Variants in ERO1B observed in about 807,000 individuals in gnomAD.
ERO1B encodes endoplasmic reticulum oxidoreductase 1 beta.
ERO1B carries 49 observed loss-of-function variants against 75.3 expected under a neutral mutation model. The observed-to-expected ratio is 0.65, with a 90% CI of 0.52 to 0.83. The LOEUF (loss-of-function observed/expected upper bound fraction) is 0.83, where lower values mean the gene tolerates loss of function less well. Among genes scored for constraint, ERO1B ranks in the 40% least tolerant of loss-of-function variants. The pLI is 0.00. For missense variants in ERO1B, 512 were observed against 560.1 expected (o/e 0.91, Z 0.87); for synonymous variants, 191 against 192.9 (o/e 0.99, Z 0.08).
chr1:236,250,146 C>T (rs2695063), intron 4 of ERO1B, among the ~76,000 whole-genome samples, 179 bp from the exon 5 acceptor site: 36,744 of 151,890 alleles, frequency 0.24, 4,677 homozygotes, highest in East Asian at 0.38. Context: ...TTTCCACCAA[C>T]TAAATATTAT....
intron 4 of ERO1B, among the ~76,000 whole-genome samples, chr1:236,250,562 T>C (rs1354551844): frequency 7.8e-6 from 1 of 128,048 alleles, no homozygotes; most frequent in Non-Finnish European, 1.6e-5. Context: ...TCTTGGGAAG[T>C]AAATTTGACC....
chr1:236,255,087 A>T (rs1209393140), intron 2 of ERO1B, among the ~76,000 whole-genome samples: 1 of 138,786 alleles, frequency 7.2e-6, no homozygotes, highest in Non-Finnish European at 1.6e-5. Context: ...CACCTGGCTA[A>T]TTTTTTTTTT....
At chr1:236,242,903 A>G (rs1664747174) in intron 6 of ERO1B, among the ~76,000 whole-genome samples, 1 of 152,168 alleles carries the variant, frequency 6.6e-6, no homozygotes, top group Non-Finnish European at 1.5e-5. Context: ...GACTCTTGGA[A>G]AAAGGGCTGT....
intron 1 of ERO1B, among the ~76,000 whole-genome samples, chr1:236,279,503 T>TAAAAAAAAAAAA (rs1665776393): frequency 9.3e-4 from 2 of 2,154 alleles, no homozygotes. Context: ...AGACTCCATC[T>TAAAAAAAAAAAA]CAAAAAAAAA....
At chr1:236,276,314 AT>A (rs1160482881) in intron 1 of ERO1B, among the ~76,000 whole-genome samples, 1 of 152,228 alleles carries the variant, frequency 6.6e-6, no homozygotes, top group Non-Finnish European at 1.5e-5. Context: ...TCCACTGTAC[AT>A]TTGGTATTTA....
chr1:236,236,190 G>A, intron 7 of ERO1B, 88 bp downstream of exon 7: 2 of 1,542,284 alleles, frequency 1.3e-6, no homozygotes, highest in South Asian at 1.2e-5. Flanking sequence ...GCCTCCCAAA[G>A]TGCTGGGATT....
intron 15 of ERO1B, among the ~76,000 whole-genome samples, chr1:236,219,778 T>TG (rs1286681566): frequency 6.6e-6 from 1 of 152,124 alleles, no homozygotes; most frequent in African/African-American, 2.4e-5. Context: ...CCCAGCACTT[T>TG]GGGAGGCCAA....
rs1425444656 is a variant in ERO1B at position 236,217,504 on chromosome 1, ACT to A, written c.*1010_*1011del. 2.0e-5 allele frequency: 3 copies of A among 152,540 alleles called. No individual in the cohort carries two copies. 9.4% of individuals were successfully genotyped at this position (152,540 alleles called of 1,614,324 possible). A position where few individuals can be genotyped will look rare whatever the true frequency, so the allele number is the denominator to read the frequency against. On this transcript the variant is annotated 3_prime_UTR_variant, in exon 16 of 16. Transcript: ENST00000354619. ...TATATATCCTGTCAGGGAAAAGCAC[ACT>A]GAGTTCGAGGATTGCATAGATTGTA...
chr1:236,253,341 A>T (rs1665084104), intron 3 of ERO1B, 81 bp downstream of exon 3: 1 of 800,296 alleles, frequency 1.2e-6, no homozygotes, highest in Non-Finnish European at 2.1e-6. Context: ...CATTGACATT[A>T]GCCTGAAATA....
In ERO1B at chr1:236,253,431, G is replaced by T; in HGVS notation, c.297C>A (p.Pro99=). 1.2e-6 allele frequency: 2 copies of T among 1,605,024 alleles called. No individual in the cohort carries two copies. Among genetic ancestry groups the T allele is most frequent in the Non-Finnish European group, 8.5e-7 (1 of 1,173,176 alleles). Residue 99 remains proline (P), a synonymous_variant, in exon 3 of 16, where the codon CCC becomes CCA. Coordinates refer to ENST00000354619, the MANE Select transcript of ERO1B (RefSeq NM_019891.4). ...HCSIKDCHVE[P]CPESKIPVGI... is the part of the protein sequence containing the mutation. ...ATTTTATTTATTATACCTCTGGACA[G>T]GGCTCCACATGACAGTCTTTTATTG...
At position 236,230,232 on chromosome 1, in the gene ERO1B, C is replaced by A. The variant is rs1664370994; in HGVS notation, c.704G>T (p.Trp235Leu). ...TAGAACAGACTGTTTACCTTCTAGC[C>A]ATGTGTAGAATGATTCTCCTGAGAG... ...GEDDGESFYTWLEGLCLEKRV... is the reference protein window; with the variant it reads ...GEDDGESFYTLLEGLCLEKRV... The change falls in exon 10 of 16, where the codon TGG becomes TTG. Residue 235 changes from tryptophan to leucine, a missense_variant. Transcript: ENST00000354619. The A allele has an allele frequency of 1.9e-6, 3 of 1,592,630 alleles. No individual in the cohort carries two copies. The East Asian group carries it at 6.8e-5, about 36-fold the overall frequency.
At chr1:236,225,199 GAAAC>G in intron 12 of ERO1B, 60 bp from the exon 13 acceptor site, 1 of 1,487,120 alleles carries the variant, frequency 6.7e-7, no homozygotes, top group Non-Finnish European at 9.3e-7. Context: ...CTCTGTATCA[GAAAC>G]CTGATAAAAT....
At chr1:236,232,666 T>C (rs559866986) in intron 9 of ERO1B, among the ~76,000 whole-genome samples, 162 bp downstream of exon 9, 11 of 128,296 alleles carry the variant, frequency 8.6e-5, no homozygotes, top group Non-Finnish European at 1.8e-4. Context: ...TAACTTGATA[T>C]ATATAAAATA....
intron 1 of ERO1B, among the ~76,000 whole-genome samples, chr1:236,274,694 C>A (rs55727632): frequency 0.015 from 2,216 of 151,884 alleles, 51 homozygotes; most frequent in African/African-American, 0.046. Flanking sequence ...TTTACTGAGG[C>A]CCAACATAAG....
intron 4 of ERO1B, among the ~76,000 whole-genome samples, chr1:236,250,572 C>CATATAT (rs1171832762): frequency 6.3e-4 from 54 of 86,370 alleles, no homozygotes; most frequent in Non-Finnish European, 1.1e-3. Context: ...TAAATTTGAC[C>CATATAT]ATATATATAT....
At chr1:236,281,581 C>CCCGGCCCTGA (rs1290325805) in intron 1 of ERO1B, 101 bp downstream of exon 1, 5 of 875,672 alleles carry the variant, frequency 5.7e-6, no homozygotes, top group Non-Finnish European at 7.7e-6. Flanking sequence ...TCTTTTCTGG[C>CCCGGCCCTGA]CCGGCCCTGC....
intron 6 of ERO1B, among the ~76,000 whole-genome samples, chr1:236,239,803 A>G (rs1164896123): frequency 2.9e-5 from 4 of 138,424 alleles, no homozygotes; most frequent in African/African-American, 1.1e-4. Context: ...ATATATATAT[A>G]TATGTGTGTA....
chr1:236,262,442 GC>G (rs1205120976), intron 2 of ERO1B, among the ~76,000 whole-genome samples: 1 of 151,892 alleles, frequency 6.6e-6, no homozygotes, highest in Non-Finnish European at 1.5e-5. Context: ...TCACTCTGTC[GC>G]CCAGGCTGGA....
At position 236,224,248 on chromosome 1, in the gene ERO1B, A is replaced by T. The variant is rs186105093; in HGVS notation, c.1122+822T>A. On this transcript the variant is annotated intron_variant, in intron 13 of 15. Coordinates refer to ENST00000354619, the MANE Select transcript of ERO1B (RefSeq NM_019891.4). ...GCTAAAAAATTACCTTGCACTAAACATAAGAAAATGTTTCAGTTTTTGAAA... is the reference window on the plus strand; with the variant it reads ...GCTAAAAAATTACCTTGCACTAAACTTAAGAAAATGTTTCAGTTTTTGAAA... 1.1e-4 allele frequency among the ~76,000 whole-genome samples: 17 copies of T among 152,324 alleles called. No homozygotes were observed. The East Asian group carries it at 1.2e-3, about 10-fold the overall frequency.
Sources: allele counts gnomAD v4.1 joint callset (sites outside exome capture counted in the v4.1 genomes callset), GRCh38; gene constraint gnomAD v4.1.1; transcripts MANE v1.5; gene names NCBI Gene and HGNC (gene_info 2026-07-23, HGNC 2026-07-21).